PRL: variants seen among roughly 807,000 people sequenced by gnomAD.
The protein encoded by PRL is decidual prolactin.
Under a neutral mutation model 21.3 loss-of-function variants are expected in PRL, and 24 were observed. The ratio of observed to expected loss-of-function variants is 1.13; its 90% CI spans 0.82 to 1.59. The LOEUF is 1.59. Among genes scored for constraint, PRL ranks in the 40% most tolerant of loss-of-function variants. The pLI is 0.00. For missense variants in PRL, 243 were observed against 286.9 expected (o/e 0.85, Z 1.10); for synonymous variants, 118 against 115.7 (o/e 1.02, Z -0.13).
Position 22,287,467 on chromosome 6 carries a change from A to C in PRL, c.619T>G (p.Ser207Ala). The C allele has an allele frequency of 3.1e-6, 5 of 1,614,136 alleles. No homozygotes were observed. The South Asian group carries it at 4.4e-5, about 14-fold the overall frequency. Residue 207 changes from serine (S) to alanine (A), a missense_variant, in exon 5 of 5, where the codon TCA (serine) becomes GCA (alanine). By Grantham distance (99) the Ser-to-Ala change is moderately conservative. Coordinates refer to ENST00000306482, the MANE Select transcript of PRL (RefSeq NM_000948.6). ...YNLLHCLRRD[S>A]HKIDNYLKLL... ...TTGAGATAATTGTCGATTTTATGTG[A>C]ATCCCTGCGTAGGCAGTGGAGCAGG...
rs1273587227 is a variant in PRL, at chr6:22,287,548, C to T, written c.538G>A (p.Gly180Arg). ...KENEIYPVWS[G>R]LPSLQMADEE... is the part of the protein sequence containing the mutation. ...TCAGCCATCTGCAGGGATGGAAGTC[C>T]CGACCAGACAGGGTAGATCTCATTT... is the stretch of plus-strand genomic sequence containing the variant. Residue 180 changes from glycine (G) to arginine (R), a missense_variant, in exon 5 of 5, where the codon GGA becomes AGA. Physicochemically the swap from Gly to Arg is moderately radical, Grantham distance 125. Coordinates refer to ENST00000306482, the MANE Select transcript of PRL (RefSeq NM_000948.6). The T allele has an allele frequency of 6.2e-7, 1 of 1,613,810 alleles. No homozygotes were observed. Among genetic ancestry groups the T allele is most frequent in the South Asian group, 1.1e-5 (1 of 91,026 alleles).
rs767865001 is a variant in PRL at position 22,294,599 on chromosome 6, A to C, written c.29-15T>G. Reference sequence around the variant, plus strand: ...CAGGAGGGACCCTGCTTAAATAAGAACGCGAGCCACTCTGAGATGATTTAT... The same window carrying C: ...CAGGAGGGACCCTGCTTAAATAAGACCGCGAGCCACTCTGAGATGATTTAT... On this transcript the variant is annotated splice_polypyrimidine_tract_variant and intron_variant, in intron 1 of 4. Coordinates refer to ENST00000306482, the MANE Select transcript of PRL (RefSeq NM_000948.6). 1 of 1,517,646 alleles carries C rather than the reference A, an allele frequency of 6.6e-7. No homozygotes were observed. Among genetic ancestry groups the C allele is most frequent in the Non-Finnish European group, 8.8e-7 (1 of 1,134,336 alleles). 94.0% of individuals were successfully genotyped at this position (1,517,646 alleles called of 1,614,324 possible). A position where few individuals can be genotyped will look rare whatever the true frequency, so the allele number is the denominator to read the frequency against.
chr6:22,296,960 C>T lies in PRL; in HGVS notation c.23G>A (p.Trp8Ter). Residue 8 changes from tryptophan to a stop codon, truncating the protein, a stop_gained, in exon 1 of 5, where the codon TGG becomes TAG. Transcript: ENST00000306482. LOFTEE classifies it high-confidence loss of function. The part of the protein sequence containing the change: MNIKGSP[W>*]KGSLLLLLVS... The stretch of plus-strand genomic sequence containing the variant: ...CAGTGAGTTGTCACACATACCTTTC[C>T]ATGGCGATCCTTTGATGTTCATGTT... 1.9e-6 allele frequency: 3 copies of T among 1,614,034 alleles called. No homozygotes were observed. Among genetic ancestry groups the T allele is most frequent in the Non-Finnish European group, 2.5e-6 (3 of 1,179,944 alleles).
chr6:22,302,291 C>T (rs761402862), upstream of PRL, among the ~76,000 whole-genome samples: 7 of 150,040 alleles, frequency 4.7e-5, no homozygotes, highest in Non-Finnish European at 8.9e-5. Context: ...CACTCACACA[C>T]CCAGAACACA....
chr6:22,290,376 T>C (rs762380638), intron 3 of PRL, 23 bp from the exon 4 acceptor site: 1 of 1,508,290 alleles, frequency 6.6e-7, no homozygotes, highest in Admixed American at 1.8e-5. Context: ...ATAGAACAAT[T>C]GCATTAAAAT....
At position 22,287,417 on chromosome 6, in the gene PRL, G is replaced by A. The variant is rs766719780; in HGVS notation, c.669C>T (p.His223=). 6 of 1,613,460 alleles carry A rather than the reference G, an allele frequency of 3.7e-6. No individual in the cohort carries two copies. In the South Asian group the frequency reaches 6.6e-5, roughly 18 times the overall value. ...YLKLLKCRII[H]NNNC ...GGATGTGGGCTTAGCAGTTGTTGTT[G>A]TGGATGATTCGGCACTTCAGGAGCT... Residue 223 remains histidine, a synonymous_variant, in exon 5 of 5, where the codon CAC becomes CAT. Transcript: ENST00000306482.
chr6:22,292,464 C>G (rs1427663964), intron 3 of PRL, 74 bp downstream of exon 3: 2 of 1,357,730 alleles, frequency 1.5e-6, no homozygotes, highest in Admixed American at 3.5e-5. Flanking sequence ...CTAGCTATTA[C>G]AGCACCTATC....
At chr6:22,297,593 A>G (rs1024160623), upstream of PRL, 1 of 152,406 alleles carries the variant, frequency 6.6e-6, no homozygotes, top group African/African-American at 2.4e-5. Flanking sequence ...TTTTTGAAAT[A>G]CACATTTTGT....
chr6:22,294,560 G>A lies in PRL; in HGVS notation c.53C>T (p.Ser18Leu), dbSNP rs777444842. The A allele has an allele frequency of 1.2e-6, 2 of 1,608,554 alleles. No individual in the cohort carries two copies. Among genetic ancestry groups the A allele is most frequent in the Non-Finnish European group, 1.7e-6 (2 of 1,177,428 alleles). Residue 18 changes from serine to leucine, a missense_variant, in exon 2 of 5, where the codon TCA becomes TTA. Transcript: ENST00000306482. ...WKGSLLLLLV[S>L]NLLLCQSVAP... ...CACGCTCTGGCACAGGAGCAGGTTT[G>A]ACACCAGCAGCAGCAGGAGGGACCC...
upstream of PRL, among the ~76,000 whole-genome samples, chr6:22,301,450 G>T (rs1408287355): frequency 6.6e-6 from 1 of 152,144 alleles, no homozygotes; most frequent in Non-Finnish European, 1.5e-5. Flanking sequence ...TGTAGGGGTT[G>T]ACCTATGTGA....
At chr6:22,300,299 C>T (rs1254715293), upstream of PRL, among the ~76,000 whole-genome samples, 1 of 152,178 alleles carries the variant, frequency 6.6e-6, no homozygotes, top group Non-Finnish European at 1.5e-5. Context: ...TGCAATCTAA[C>T]TTAGTATGTA....
upstream of PRL, chr6:22,297,471 C>A (rs1761202774): frequency 6.5e-6 from 1 of 154,378 alleles, no homozygotes; most frequent in Non-Finnish European, 1.4e-5. Flanking sequence ...AAAATTTTTA[C>A]ACTAAATACC....
chr6:22,292,792 G>A, intron 2 of PRL, 147 bp from the exon 3 acceptor site: 1 of 643,920 alleles, frequency 1.6e-6, no homozygotes, highest in East Asian at 3.0e-5. Flanking sequence ...AATTAAGAAA[G>A]TAACCCTTTC....
chr6:22,296,634 G>A lies in PRL; in HGVS notation c.28+321C>T, dbSNP rs186664682. Among the ~76,000 whole-genome samples the A allele has an allele frequency of 2.6e-3, 401 of 152,248 alleles. 2 individuals are homozygous for A. Among genetic ancestry groups the A allele is most frequent in the African/African-American group, 8.8e-3 (365 of 41,542 alleles). Reference sequence around the variant, plus strand: ...AATTCCTTGTTCTGGGGGCTGTCCCGTGCATTGAAGGATGTTCAGTAGCAT... The same window carrying A: ...AATTCCTTGTTCTGGGGGCTGTCCCATGCATTGAAGGATGTTCAGTAGCAT... On this transcript the variant is annotated intron_variant, in intron 1 of 4. Transcript: ENST00000306482.
At chr6:22,299,952 T>C (rs1298495212), upstream of PRL, among the ~76,000 whole-genome samples, 1 of 152,202 alleles carries the variant, frequency 6.6e-6, no homozygotes, top group Non-Finnish European at 1.5e-5. Flanking sequence ...TCAGAATGAA[T>C]GTATCACAAA....
upstream of PRL, among the ~76,000 whole-genome samples, chr6:22,300,061 C>T (rs879349635): frequency 2.6e-5 from 4 of 151,906 alleles, no homozygotes; most frequent in Non-Finnish European, 5.9e-5. Flanking sequence ...TCTGAATAGT[C>T]GTCTTCTAAT....
chr6:22,293,684 A>AGGG (rs1761110970), intron 2 of PRL, among the ~76,000 whole-genome samples: 1 of 141,842 alleles, frequency 7.1e-6, no homozygotes, highest in African/African-American at 2.6e-5. Context: ...GGAAGGAAGG[A>AGGG]AAAAAGGAAG....
chr6:22,291,868 T>C (rs943848219), intron 3 of PRL, among the ~76,000 whole-genome samples: 2 of 152,216 alleles, frequency 1.3e-5, no homozygotes, highest in African/African-American at 2.4e-5. Context: ...CAATAGAAGA[T>C]TGAAGCTGAG....
chr6:22,296,007 T>G (rs1057316065), intron 1 of PRL, among the ~76,000 whole-genome samples: 2 of 152,226 alleles, frequency 1.3e-5, no homozygotes, highest in African/African-American at 4.8e-5. Context: ...AAAACATGAT[T>G]CTTCCAAAAA....
Sources: gnomAD v4.1 joint callset for allele counts (sites outside exome capture counted in the v4.1 genomes callset) on GRCh38, gnomAD v4.1.1 for gene constraint, MANE v1.5 for transcripts, NCBI Gene and HGNC (gene_info 2026-07-23, HGNC 2026-07-21) for gene names.